Variants in LOXHD1 observed in about 807,000 individuals in gnomAD.
LOXHD1 encodes lipoxygenase homology domain-containing protein 1.
Under a neutral mutation model 248.2 loss-of-function variants are expected in LOXHD1, and 205 were observed. The observed-to-expected ratio is 0.83, with a 90% CI of 0.74 to 0.93. The LOEUF (loss-of-function observed/expected upper bound fraction) is 0.93. Ranked by LOEUF, LOXHD1 falls within the 40% of genes least tolerant of loss-of-function variation. The pLI, the probability that LOXHD1 is intolerant of heterozygous loss-of-function variation, is 0.00. For synonymous variants in LOXHD1, 1,113 were observed against 1,162.8 expected (o/e 0.96, Z 0.87); for missense variants, 2,930 against 2,971.6 (o/e 0.99, Z 0.33).
rs2036857662 is a variant in LOXHD1 at position 46,546,731 on chromosome 18, CCT to C, written c.3514+162_3514+163del. 2.0e-5 allele frequency among the ~76,000 whole-genome samples: 3 copies of C among 152,152 alleles called. No individual in the cohort carries two copies. In the South Asian group the frequency reaches 6.2e-4, roughly 32 times the overall value. On this transcript the variant is annotated intron_variant, in intron 22 of 40. Coordinates refer to ENST00000642948, the MANE Select transcript of LOXHD1 (RefSeq NM_001384474.1). The stretch of plus-strand genomic sequence containing the variant: ...GATATGTGAGACTATGCCCCCTTTA[CCT>C]CCCCAGTCTTGCCACAGAGGAATGA...
chr18:46,592,607 T>G lies in LOXHD1; in HGVS notation c.1432-23A>C, dbSNP rs1178604520. On this transcript the variant is annotated intron_variant, in intron 10 of 40. Transcript: ENST00000642948. ...AATCTATGGTGAGAAATAAAAACAT[T>G]TGAGTGGGCATAACTGAAGAAATGT... The G allele has an allele frequency of 5.2e-6, 8 of 1,530,722 alleles. No homozygotes were observed. In the South Asian group the frequency reaches 7.2e-5, roughly 14 times the overall value. The allele number at this position is 1,530,722 out of a possible 1,614,324, so 94.8% of individuals were successfully genotyped here. A position where few individuals can be genotyped will look rare whatever the true frequency, so the allele number is the denominator to read the frequency against.
At position 46,506,027 on chromosome 18, in the gene LOXHD1, G is replaced by A. The variant is rs1296186357; in HGVS notation, c.5693-4C>T. The A allele has an allele frequency of 2.6e-6, 4 of 1,552,026 alleles. No homozygotes were observed. Among genetic ancestry groups the A allele is most frequent in the Non-Finnish European group, 2.6e-6 (3 of 1,147,012 alleles). On this transcript the variant is annotated splice_region_variant and splice_polypyrimidine_tract_variant and intron_variant, in intron 36 of 40. Coordinates refer to ENST00000642948, the MANE Select transcript of LOXHD1 (RefSeq NM_001384474.1). ...ACGTTGGCATCAGTGCCTGCTCCTG[G>A]GGGGTGCACAAGGTGAGGCTTAGGG...
chr18:46,505,869 G>C lies in LOXHD1; in HGVS notation c.5847C>G (p.Leu1949=), dbSNP rs557564580. ...NFPDMLSLGH[L]CKLRVWHDNK... ...TGTCGTGCCAGACCCTCAGCTTGCA[G>C]AGGTGGCCCAAGCTCAGCATGTCAG... is the stretch of plus-strand genomic sequence containing the variant. The change falls in exon 37 of 41, where the codon CTC becomes CTG. Residue 1949 remains leucine (L), a synonymous_variant. Transcript: ENST00000642948. The C allele has an allele frequency of 6.4e-7, 1 of 1,551,788 alleles. No homozygotes were observed. The highest frequency in any genetic ancestry group is 2.4e-5 in the East Asian group (1 of 40,910).
At chr18:46,539,460 TAA>T (rs35650595) in intron 25 of LOXHD1, among the ~76,000 whole-genome samples, 2,033 of 150,320 alleles carry the variant, frequency 0.014, 18 homozygotes, top group Non-Finnish European at 0.021. Flanking sequence ...GACTCTCTCT[TAA>T]AAAAAAAATG....
At chr18:46,559,700 AG>A in intron 19 of LOXHD1, 98 bp from the exon 20 acceptor site, 2 of 1,311,446 alleles carry the variant, frequency 1.5e-6, no homozygotes, top group South Asian at 2.9e-5. Context: ...CCTAGAACAG[AG>A]GGATCTTCAG....
At chr18:46,552,183 G>A (rs1415684813) in intron 21 of LOXHD1, among the ~76,000 whole-genome samples, 2 of 151,986 alleles carry the variant, frequency 1.3e-5, no homozygotes, top group African/African-American at 2.4e-5. Flanking sequence ...AAATGGTTAA[G>A]GTAATAAATT....
chr18:46,494,026 C>G (rs910551971), intron 37 of LOXHD1, among the ~76,000 whole-genome samples: 1 of 152,180 alleles, frequency 6.6e-6, no homozygotes, highest in Non-Finnish European at 1.5e-5. Context: ...CCTTAAATAC[C>G]TGCCTATTGT....
At chr18:46,535,465 A>G (rs541670298) in intron 26 of LOXHD1, among the ~76,000 whole-genome samples, 1 of 152,062 alleles carries the variant, frequency 6.6e-6, no homozygotes, top group Non-Finnish European at 1.5e-5. Context: ...CAGCTACAAC[A>G]TCTTCTCTCT....
At chr18:46,591,716 T>C (rs2038171753) in intron 12 of LOXHD1, among the ~76,000 whole-genome samples, 1 of 152,134 alleles carries the variant, frequency 6.6e-6, no homozygotes, top group African/African-American at 2.4e-5. Flanking sequence ...CTTCCCTCCC[T>C]CCCCACCACA....
Position 46,542,735 on chromosome 18 carries a change from T to C in LOXHD1, c.3740A>G (p.Asp1247Gly). 6.4e-7 allele frequency: 1 copy of C among 1,551,636 alleles called. No homozygotes were observed. The highest frequency in any genetic ancestry group is 2.0e-5 in the Admixed American group (1 of 50,998). The stretch of plus-strand genomic sequence containing the variant: ...GGGGAGGGAAGCCACACCTGTGTTG[T>C]CATGGCCAAGCCGGACTTTCCACAG... Reference protein sequence around the residue: ...GDLWKVRLGHDNTGKAPGWFV... With the variant: ...GDLWKVRLGHGNTGKAPGWFV... Residue 1247 changes from aspartate to glycine, a missense_variant, in exon 24 of 41, where the codon GAC becomes GGC. Asp to Gly is a moderately conservative substitution (Grantham distance 94). Transcript: ENST00000642948.
intron 37 of LOXHD1, among the ~76,000 whole-genome samples, chr18:46,496,352 A>G (rs553171313): frequency 6.6e-6 from 1 of 152,342 alleles, no homozygotes; most frequent in African/African-American, 2.4e-5. Context: ...TGAAAGGTAG[A>G]TTCAGAGGAA....
In LOXHD1 at chr18:46,560,719, C is replaced by G. The variant is rs562464785; in HGVS notation, c.2599-174G>C. 7.9e-5 allele frequency among the ~76,000 whole-genome samples: 12 copies of G among 152,344 alleles called. No homozygotes were observed. The East Asian group carries it at 2.3e-3, about 29-fold the overall frequency. On this transcript the variant is annotated intron_variant, in intron 18 of 40. Coordinates refer to ENST00000642948, the MANE Select transcript of LOXHD1 (RefSeq NM_001384474.1). The stretch of plus-strand genomic sequence containing the variant: ...ACCACCTCCCTCTCTCCGGCCACAC[C>G]TGTCCTGGGTCCCCTGGGATTACCT...
chr18:46,560,905 C>T (rs184975371), intron 18 of LOXHD1, among the ~76,000 whole-genome samples: 1 of 152,150 alleles, frequency 6.6e-6, no homozygotes, highest in Non-Finnish European at 1.5e-5. Context: ...ATGGCTCATA[C>T]AGTTTCCTTA....
chr18:46,571,623 A>G (rs1342314929), intron 15 of LOXHD1, among the ~76,000 whole-genome samples: 4 of 152,220 alleles, frequency 2.6e-5, no homozygotes, highest in African/African-American at 9.6e-5. Context: ...AGGTGTTGGT[A>G]ATGTCAAGGA....
chr18:46,654,385 G>T (rs1010027422), intron 1 of LOXHD1, among the ~76,000 whole-genome samples: 2 of 152,234 alleles, frequency 1.3e-5, no homozygotes, highest in African/African-American at 4.8e-5. Flanking sequence ...TGTCTAGGAT[G>T]CAGGAGAGGA....
At chr18:46,489,341 T>C (rs1480986070) in intron 37 of LOXHD1, among the ~76,000 whole-genome samples, 199 bp from the exon 38 acceptor site, 5 of 152,164 alleles carry the variant, frequency 3.3e-5, no homozygotes, top group Admixed American at 3.3e-4. Flanking sequence ...GGATATAATT[T>C]TCTGCAAAGC....
intron 1 of LOXHD1, among the ~76,000 whole-genome samples, chr18:46,653,155 G>A (rs1024501395): frequency 1.8e-4 from 27 of 152,166 alleles, no homozygotes; most frequent in African/African-American, 6.3e-4. Context: ...GCTGAGGCAG[G>A]AGAATTGCTT....
chr18:46,591,413 T>C (rs532838488), intron 12 of LOXHD1, among the ~76,000 whole-genome samples: 42 of 152,340 alleles, frequency 2.8e-4, no homozygotes, highest in Admixed American at 9.2e-4. Flanking sequence ...GTACCGTGCT[T>C]CTATAACCTA....
intron 12 of LOXHD1, among the ~76,000 whole-genome samples, chr18:46,589,768 A>C (rs2038131703): frequency 6.6e-6 from 1 of 152,102 alleles, no homozygotes; most frequent in African/African-American, 2.4e-5. Flanking sequence ...AATAACTCAG[A>C]ATGTATTTGT....
Sources: allele counts gnomAD v4.1 joint callset (sites outside exome capture counted in the v4.1 genomes callset), GRCh38; gene constraint gnomAD v4.1.1; transcripts MANE v1.5; gene names NCBI Gene and HGNC (gene_info 2026-07-23, HGNC 2026-07-21).